ATAD1: variants seen among roughly 807,000 people sequenced by gnomAD.
ATAD1 encodes the protein ATPase family AAA domain containing 1, also known as outer mitochondrial transmembrane helix translocase.
A neutral mutation model predicts 42.7 loss-of-function variants in ATAD1; 18 were observed. The observed-to-expected ratio is 0.42, with a 90% confidence interval of 0.29 to 0.63. The LOEUF (loss-of-function observed/expected upper bound fraction) is 0.63. Ranked by LOEUF, ATAD1 falls within the 20% of genes least tolerant of loss-of-function variation. ATAD1 has a pLI of 0.19. For missense variants in ATAD1, 294 were observed against 440.4 expected, an observed-to-expected ratio of 0.67 and a Z score of 2.98; for synonymous variants, 132 against 143.1, an observed-to-expected ratio of 0.92 and a Z score of 0.55.
intron 1 of ATAD1, among the ~76,000 whole-genome samples, chr10:87,838,899 C>T (rs952413771): frequency 3.3e-5 from 5 of 152,154 alleles, no homozygotes; most frequent in Non-Finnish European, 5.9e-5. Flanking sequence ...CTGCTGTTTT[C>T]GCCATTCAGT....
intron 1 of ATAD1, among the ~76,000 whole-genome samples, chr10:87,836,962 G>T (rs1301671048): frequency 6.6e-6 from 1 of 152,062 alleles, no homozygotes; most frequent in African/African-American, 2.4e-5. Flanking sequence ...TTCTGTAATT[G>T]AACCTATACA....
intron 2 of ATAD1, among the ~76,000 whole-genome samples, chr10:87,811,697 C>G (rs993350276): frequency 2.0e-5 from 3 of 152,186 alleles, no homozygotes; most frequent in Non-Finnish European, 4.4e-5. Context: ...TCTACACATA[C>G]AGGAATAACC....
intron 7 of ATAD1, 51 bp from the exon 8 acceptor site, chr10:87,767,774 A>G (rs548083077): frequency 1.3e-6 from 2 of 1,519,660 alleles, no homozygotes; most frequent in Admixed American, 1.9e-5. Context: ...ATTTTTTTAA[A>G]AAGATCAAGT....
At chr10:87,827,488 G>C (rs1306041626) in intron 1 of ATAD1, among the ~76,000 whole-genome samples, 1 of 152,176 alleles carries the variant, frequency 6.6e-6, no homozygotes, top group African/African-American at 2.4e-5. Flanking sequence ...CCAACAGCAT[G>C]TACTCACTTT....
At chr10:87,783,717 C>A (rs1374230887) in intron 5 of ATAD1, among the ~76,000 whole-genome samples, 1 of 151,638 alleles carries the variant, frequency 6.6e-6, no homozygotes, top group East Asian at 1.9e-4. Context: ...TAGCAAGAGT[C>A]CATTAATATA....
chr10:87,780,316 A>G (rs926941143), intron 5 of ATAD1, among the ~76,000 whole-genome samples: 4 of 152,192 alleles, frequency 2.6e-5, no homozygotes, highest in Admixed American at 2.6e-4. Flanking sequence ...AGGAAAAGGG[A>G]AGGACAAATA....
At chr10:87,759,426 T>C (rs531925723) in intron 8 of ATAD1, among the ~76,000 whole-genome samples, 41 of 152,080 alleles carry the variant, frequency 2.7e-4, no homozygotes, top group Non-Finnish European at 4.7e-4. Flanking sequence ...ATAATGGGGC[T>C]ATTTGTTTAT....
At chr10:87,818,665 C>A (rs1287212750), upstream of ATAD1, 1 of 152,318 alleles carries the variant, frequency 6.6e-6, no homozygotes, top group Admixed American at 6.5e-5. Context: ...CTTATGGCCA[C>A]CCTCCACTCC....
rs558933105 is a variant in ATAD1 at position 87,776,674 on chromosome 10, T to C, written c.584-247A>G. The stretch of plus-strand genomic sequence containing the variant: ...TTCTGTAGAGACAGGTTGACTATGT[T>C]GTCAAGGCTGGTCTTGAACTCCTGG... On this transcript the variant is annotated intron_variant, in intron 5 of 9. Transcript: ENST00000680024. Among the ~76,000 whole-genome samples, 8 of 152,142 alleles carry C rather than the reference T, an allele frequency of 5.3e-5. No homozygotes were observed. In the South Asian group the frequency reaches 1.5e-3, roughly 28 times the overall value.
intron 1 of ATAD1, among the ~76,000 whole-genome samples, chr10:87,831,788 C>T (rs1376596929): frequency 1.3e-5 from 2 of 152,094 alleles, no homozygotes; most frequent in African/African-American, 4.8e-5. Context: ...GGTTAAGAAC[C>T]TGGTGCATTT....
chr10:87,791,549 G>C (rs975245696), intron 3 of ATAD1, among the ~76,000 whole-genome samples: 1 of 152,106 alleles, frequency 6.6e-6, no homozygotes, highest in Admixed American at 6.5e-5. Context: ...GTTCCAAGAA[G>C]GTACCATTGT....
At chr10:87,794,483 T>C (rs1200249626) in intron 2 of ATAD1, among the ~76,000 whole-genome samples, 1 of 152,230 alleles carries the variant, frequency 6.6e-6, no homozygotes, top group East Asian at 1.9e-4. Context: ...GTGTTCTTTT[T>C]AAGCAACGCT....
chr10:87,807,483 T>G (rs887810173), intron 2 of ATAD1, among the ~76,000 whole-genome samples: 1 of 152,222 alleles, frequency 6.6e-6, no homozygotes, highest in Admixed American at 6.5e-5. Flanking sequence ...CTTTACAACC[T>G]GGCAGGGGTG....
At chr10:87,832,039 G>A (rs1049944149) in intron 1 of ATAD1, 1 of 142,908 alleles carries the variant, frequency 7.0e-6, no homozygotes, top group Non-Finnish European at 1.5e-5. Flanking sequence ...ATTATGCTCT[G>A]TTCCCAAATT....
At chr10:87,812,442 T>G (rs765008396) in intron 2 of ATAD1, among the ~76,000 whole-genome samples, 3 of 152,096 alleles carry the variant, frequency 2.0e-5, no homozygotes, top group Non-Finnish European at 4.4e-5. Flanking sequence ...TTTGTATTTT[T>G]ATTAGAGATG....
At chr10:87,773,784 T>C (rs377682330) in intron 6 of ATAD1, among the ~76,000 whole-genome samples, 1 of 152,148 alleles carries the variant, frequency 6.6e-6, no homozygotes, top group Non-Finnish European at 1.5e-5. Context: ...CTGAAAATAG[T>C]TGAACACTAT....
intron 8 of ATAD1, among the ~76,000 whole-genome samples, chr10:87,758,738 A>C (rs1467505586): frequency 6.6e-6 from 1 of 152,218 alleles, no homozygotes; most frequent in Non-Finnish European, 1.5e-5. Context: ...AGAAGTCATT[A>C]TATAATGATA....
Position 87,754,716 on chromosome 10 carries a change from T to C in ATAD1, c.1057A>G (p.Asn353Asp). The part of the protein sequence containing the change: ...MKKSKDAAFQ[N>D]VLTHVCLD ...TCTAAACAAACATGTGTTAAAACAT[T>C]CTGAAATGCTGCATCCTTTGATTTC... Residue 353 changes from asparagine to aspartate, a missense_variant, in exon 10 of 10, where the codon AAT (asparagine) becomes GAT (aspartate). Transcript: ENST00000680024. 1 of 1,613,682 alleles carries C rather than the reference T, an allele frequency of 6.2e-7. No individual in the cohort carries two copies. The highest frequency in any genetic ancestry group is 8.5e-7 in the Non-Finnish European group (1 of 1,179,758).
At chr10:87,834,117 C>T (rs1158857820) in intron 1 of ATAD1, among the ~76,000 whole-genome samples, 1 of 152,078 alleles carries the variant, frequency 6.6e-6, no homozygotes, top group East Asian at 1.9e-4. Context: ...GAATATTGAT[C>T]CAGCTTTGCA....
Sources: gnomAD v4.1 joint callset for allele counts (sites outside exome capture counted in the v4.1 genomes callset) on GRCh38, gnomAD v4.1.1 for gene constraint, MANE v1.5 for transcripts, NCBI Gene and HGNC (gene_info 2026-07-23, HGNC 2026-07-21) for gene names.